The following CTNND2 variants were observed in gnomAD, a reference collection of about 807,000 sequenced individuals.
CTNND2 encodes catenin delta 2.
CTNND2 carries 22 observed loss-of-function variants against 144.4 expected under a neutral mutation model. The ratio of observed to expected loss-of-function variants is 0.15; its 90% CI spans 0.11 to 0.22. The LOEUF (loss-of-function observed/expected upper bound fraction) is 0.22, where lower values mean the gene tolerates loss of function less well. CTNND2 is among the 10% of genes least tolerant of loss of function. CTNND2 has a pLI of 1.00. For missense variants in CTNND2, 1,353 were observed against 1,618.8 expected, an observed-to-expected ratio of 0.84 and a Z score of 2.82; for synonymous variants, 751 against 695.6, an observed-to-expected ratio of 1.08 and a Z score of -1.25.
At chr5:11,128,968 A>G (rs1245150856) in intron 12 of CTNND2, among the ~76,000 whole-genome samples, 2 of 53,500 alleles carry the variant, frequency 3.7e-5, no homozygotes, top group South Asian at 9.5e-4. Context: ...TATATATAAT[A>G]TATAATATAT....
At chr5:11,000,595 A>T (rs1739850001) in intron 18 of CTNND2, among the ~76,000 whole-genome samples, 1 of 152,216 alleles carries the variant, frequency 6.6e-6, no homozygotes, top group South Asian at 2.1e-4. Flanking sequence ...GCAGGGGATG[A>T]GCTAGAACTG....
At chr5:11,418,665 T>C (rs960993994) in intron 3 of CTNND2, among the ~76,000 whole-genome samples, 3 of 152,166 alleles carry the variant, frequency 2.0e-5, no homozygotes, top group African/African-American at 4.8e-5. Flanking sequence ...TGGCAGACCA[T>C]CCACATCAAT....
intron 2 of CTNND2, among the ~76,000 whole-genome samples, chr5:11,686,159 T>C (rs1784636069): frequency 2.7e-5 from 4 of 150,806 alleles, no homozygotes; most frequent in Admixed American, 2.6e-4. Flanking sequence ...TGAACCAAGA[T>C]CGTGCCACTG....
At chr5:11,584,430 G>GC (rs1026976127) in intron 2 of CTNND2, among the ~76,000 whole-genome samples, 34 of 145,842 alleles carry the variant, frequency 2.3e-4, no homozygotes, top group Non-Finnish European at 4.4e-4. Context: ...TTTTTTGGGG[G>GC]GGGGGAGGAG....
At chr5:11,496,847 C>T (rs1186543746) in intron 3 of CTNND2, among the ~76,000 whole-genome samples, 2 of 152,276 alleles carry the variant, frequency 1.3e-5, no homozygotes, top group East Asian at 1.9e-4. Flanking sequence ...ATTTGGATTA[C>T]ACTAGCCATA....
chr5:10,995,930 G>A (rs1027968957), intron 18 of CTNND2, among the ~76,000 whole-genome samples: 2 of 152,174 alleles, frequency 1.3e-5, no homozygotes, highest in African/African-American at 4.8e-5. Context: ...GAGGTCATCT[G>A]CTGAGAATAA....
At chr5:11,744,548 A>G (rs2126771492) in intron 1 of CTNND2, among the ~76,000 whole-genome samples, 1 of 152,268 alleles carries the variant, frequency 6.6e-6, no homozygotes, top group Admixed American at 6.5e-5. Flanking sequence ...GGGAGACATG[A>G]GGAGCAGGAA....
In CTNND2 at chr5:11,317,569, T is replaced by C. The variant is rs969449698; in HGVS notation, c.1628+28803A>G. Among the ~76,000 whole-genome samples, 3 of 152,364 alleles carry C rather than the reference T, an allele frequency of 2.0e-5. 1 individual carries two copies. In the South Asian group the frequency reaches 6.2e-4, roughly 32 times the overall value. Reference sequence around the variant, plus strand: ...TCCACTGAAAGTATATTTCTTGTGTTAATTATAAGTACTTTTCAATGATTT... The same window carrying C: ...TCCACTGAAAGTATATTTCTTGTGTCAATTATAAGTACTTTTCAATGATTT... On this transcript the variant is annotated intron_variant, in intron 9 of 21. Coordinates refer to ENST00000304623, the MANE Select transcript of CTNND2 (RefSeq NM_001332.4).
intron 3 of CTNND2, among the ~76,000 whole-genome samples, chr5:11,451,314 C>T (rs574645913): frequency 6.6e-6 from 1 of 151,942 alleles, no homozygotes; most frequent in South Asian, 2.1e-4. Flanking sequence ...CCAACATTAC[C>T]CTATTGTACC....
chr5:11,025,170 T>A (rs76275290), intron 16 of CTNND2, among the ~76,000 whole-genome samples: 1 of 152,244 alleles, frequency 6.6e-6, no homozygotes. Flanking sequence ...GAATATATTT[T>A]AGTCCAAATT....
intron 2 of CTNND2, among the ~76,000 whole-genome samples, chr5:11,600,221 T>C (rs1390866291): frequency 6.6e-6 from 1 of 152,194 alleles, no homozygotes. Context: ...GTGGACACAC[T>C]GTTTTGTCAA....
chr5:11,628,197 A>G (rs1013364630), intron 2 of CTNND2, among the ~76,000 whole-genome samples: 2 of 152,210 alleles, frequency 1.3e-5, no homozygotes, highest in Non-Finnish European at 2.9e-5. Flanking sequence ...CCAAAAAGAC[A>G]GAATTTAAAC....
intron 1 of CTNND2, among the ~76,000 whole-genome samples, chr5:11,761,500 T>G (rs1224415307): frequency 1.3e-5 from 2 of 152,180 alleles, no homozygotes; most frequent in Non-Finnish European, 2.9e-5. Flanking sequence ...AGAAATTAAT[T>G]TGTAGATTTT....
chr5:11,333,644 G>A (rs1005639552), intron 9 of CTNND2, among the ~76,000 whole-genome samples: 1 of 152,158 alleles, frequency 6.6e-6, no homozygotes, highest in Non-Finnish European at 1.5e-5. Context: ...CACCTCACAG[G>A]TTCATAGGAA....
intron 10 of CTNND2, among the ~76,000 whole-genome samples, chr5:11,228,640 C>G (rs1740633939): frequency 6.6e-6 from 1 of 151,932 alleles, no homozygotes; most frequent in Non-Finnish European, 1.5e-5. Context: ...GGGGCACCAC[C>G]ATGCCCAGCT....
intron 10 of CTNND2, among the ~76,000 whole-genome samples, chr5:11,230,246 T>C (rs531407951): frequency 0.012 from 1,670 of 143,334 alleles, 9 homozygotes; most frequent in Non-Finnish European, 0.017. Context: ...AGGGATAGCA[T>C]TGGGAGATAT....
intron 1 of CTNND2, among the ~76,000 whole-genome samples, chr5:11,900,050 T>C (rs915367473): frequency 6.6e-6 from 1 of 152,204 alleles, no homozygotes; most frequent in South Asian, 2.1e-4. Context: ...TTACAAAATA[T>C]TGTAATATAT....
At chr5:11,551,432 C>CTTTTTTTT (rs70949326) in intron 3 of CTNND2, among the ~76,000 whole-genome samples, 75 of 100,896 alleles carry the variant, frequency 7.4e-4, no homozygotes, top group African/African-American at 1.4e-3. Context: ...TTTCTTTTTT[C>CTTTTTTTT]TTTTTTTTTT....
chr5:11,217,518 CAG>C (rs1328143736), intron 10 of CTNND2, among the ~76,000 whole-genome samples: 1 of 152,146 alleles, frequency 6.6e-6, no homozygotes, highest in African/African-American at 2.4e-5. Flanking sequence ...AGAAAGGATG[CAG>C]AGAGACCTGA....
Sources: allele counts gnomAD v4.1 joint callset (sites outside exome capture counted in the v4.1 genomes callset), GRCh38; gene constraint gnomAD v4.1.1; transcripts MANE v1.5; gene names NCBI Gene and HGNC (gene_info 2026-07-23, HGNC 2026-07-21).